IGF2BP3: variants seen among roughly 807,000 people sequenced by gnomAD.
IGF2BP3 encodes insulin like growth factor 2 mRNA binding protein 3, also known as insulin-like growth factor 2 mRNA-binding protein 3.
IGF2BP3 carries 9 observed loss-of-function variants against 73.8 expected under a neutral mutation model. That is an observed-to-expected ratio of 0.12 (90% CI 0.07 to 0.21). The LOEUF is 0.21. IGF2BP3 is among the 10% of genes least tolerant of loss of function. IGF2BP3 has a pLI of 1.00. For synonymous variants in IGF2BP3, 258 were observed against 256.7 expected, an observed-to-expected ratio of 1.01 and a Z score of -0.05; for missense variants, 542 against 714.0, an observed-to-expected ratio of 0.76 and a Z score of 2.75.
rs1187919316 is a variant in IGF2BP3, at chr7:23,310,490, T to G, written c.*1872A>C. ...TGTATATTTTTAAAAAATCAAATAT[T>G]GGGGAAAAAAATCAAATACTGAGAA... On this transcript the variant is annotated 3_prime_UTR_variant, in exon 15 of 15. Transcript: ENST00000258729. The G allele has an allele frequency of 6.6e-6, 1 of 152,060 alleles. No homozygotes were observed. Among genetic ancestry groups the G allele is most frequent in the Non-Finnish European group, 1.5e-5 (1 of 68,010 alleles). 9.4% of individuals were successfully genotyped at this position (152,060 alleles called of 1,614,324 possible). A position where few individuals can be genotyped will look rare whatever the true frequency, so the allele number is the denominator to read the frequency against.
At chr7:23,323,474 G>T (rs1784213445) in intron 10 of IGF2BP3, among the ~76,000 whole-genome samples, 1 of 145,724 alleles carries the variant, frequency 6.9e-6, no homozygotes, top group Admixed American at 6.8e-5. Flanking sequence ...AATAATGGGA[G>T]ACTTTAACAC....
At chr7:23,393,048 G>A (rs1459247030) in intron 3 of IGF2BP3, among the ~76,000 whole-genome samples, 2 of 152,040 alleles carry the variant, frequency 1.3e-5, no homozygotes, top group African/African-American at 2.4e-5. Flanking sequence ...CTTCCTTAGG[G>A]GACACTCAGC....
chr7:23,389,640 G>A (rs925247457), intron 3 of IGF2BP3, among the ~76,000 whole-genome samples: 8 of 151,838 alleles, frequency 5.3e-5, no homozygotes, highest in African/African-American at 1.9e-4. Flanking sequence ...CAAAAAGTGT[G>A]AAGAATATCA....
intron 3 of IGF2BP3, among the ~76,000 whole-genome samples, chr7:23,373,340 A>C (rs1403807530): frequency 6.6e-6 from 1 of 152,212 alleles, no homozygotes; most frequent in African/African-American, 2.4e-5. Context: ...AACCCCTAGA[A>C]GAAACCACTG....
intron 2 of IGF2BP3, among the ~76,000 whole-genome samples, chr7:23,419,364 T>C (rs1481648768): frequency 6.6e-6 from 1 of 152,200 alleles, no homozygotes; most frequent in African/African-American, 2.4e-5. Context: ...GACATCAATA[T>C]AAATCAGATA....
chr7:23,344,054 T>C (rs1377474416), intron 8 of IGF2BP3, among the ~76,000 whole-genome samples: 1 of 152,254 alleles, frequency 6.6e-6, no homozygotes, highest in Non-Finnish European at 1.5e-5. Flanking sequence ...AGAAAATATT[T>C]GCCCTCCCAT....
At chr7:23,450,853 C>A (rs1014001577) in intron 2 of IGF2BP3, 1 of 152,140 alleles carries the variant, frequency 6.6e-6, no homozygotes, top group Admixed American at 6.5e-5. Context: ...CCAGTCTGCA[C>A]AACATAGTGA....
chr7:23,354,552 G>A (rs545702853), intron 5 of IGF2BP3, among the ~76,000 whole-genome samples: 1 of 152,250 alleles, frequency 6.6e-6, no homozygotes, highest in South Asian at 2.1e-4. Flanking sequence ...TCTCCCTGGG[G>A]TAAAAGGTAC....
chr7:23,387,977 C>A (rs890201333), intron 3 of IGF2BP3, among the ~76,000 whole-genome samples: 15 of 151,980 alleles, frequency 9.9e-5, no homozygotes, highest in African/African-American at 2.9e-4. Flanking sequence ...CGCTCTGTTG[C>A]CCAGGCTGGA....
intron 3 of IGF2BP3, among the ~76,000 whole-genome samples, chr7:23,410,352 C>A (rs1348768395): frequency 6.6e-6 from 1 of 152,076 alleles, no homozygotes; most frequent in African/African-American, 2.4e-5. Flanking sequence ...AGTCAAGATT[C>A]TGTCTCAATC....
intron 9 of IGF2BP3, 48 bp downstream of exon 9, chr7:23,343,670 T>A: frequency 6.5e-7 from 1 of 1,532,048 alleles, no homozygotes; most frequent in Non-Finnish European, 9.0e-7. Flanking sequence ...AAAACATTGT[T>A]TTAACTATTT....
At chr7:23,466,287 T>G (rs996824427) in intron 2 of IGF2BP3, among the ~76,000 whole-genome samples, 3 of 152,228 alleles carry the variant, frequency 2.0e-5, no homozygotes, top group African/African-American at 7.2e-5. Context: ...CCTCCCAAAG[T>G]GCTGGGATTA....
intron 3 of IGF2BP3, among the ~76,000 whole-genome samples, chr7:23,390,971 G>C (rs1261822297): frequency 1.3e-5 from 2 of 150,574 alleles, no homozygotes; most frequent in Admixed American, 6.6e-5. Flanking sequence ...CTAATTTTTT[G>C]TATTTTTAGT....
At position 23,340,849 on chromosome 7, in the gene IGF2BP3, CTTTTTT is replaced by C. The variant is rs551566879; in HGVS notation, c.1203+1209_1203+1214del. ...AAAATATTTCTTTCTTTTTCTTTTT[CTTTTTT>C]TTTTTTTTTTCCCAGACAGAGTTTC... is the stretch of plus-strand genomic sequence containing the variant. On this transcript the variant is annotated intron_variant, in intron 10 of 14. Transcript: ENST00000258729. Among the ~76,000 whole-genome samples the C allele has an allele frequency of 5.3e-3, 740 of 139,378 alleles. 2 individuals carry two copies. Among genetic ancestry groups the C allele is most frequent in the Non-Finnish European group, 9.1e-3 (579 of 63,972 alleles). The allele number at this position is 139,378 out of a possible 152,430, so 91.4% of individuals were successfully genotyped here.
intron 2 of IGF2BP3, among the ~76,000 whole-genome samples, chr7:23,454,269 T>G (rs545386944): frequency 5.3e-5 from 8 of 152,326 alleles, no homozygotes; most frequent in Non-Finnish European, 8.8e-5. Context: ...TGATCTCTCC[T>G]AAGATAATTC....
chr7:23,337,197 A>G (rs954830173), intron 10 of IGF2BP3, among the ~76,000 whole-genome samples: 19 of 152,194 alleles, frequency 1.2e-4, no homozygotes, highest in Non-Finnish European at 4.4e-5. Flanking sequence ...TATATACTCA[A>G]ACAACACTTG....
chr7:23,460,956 A>G (rs1788437931), intron 2 of IGF2BP3, among the ~76,000 whole-genome samples: 1 of 152,194 alleles, frequency 6.6e-6, no homozygotes, highest in Non-Finnish European at 1.5e-5. Flanking sequence ...TCTCAAATAA[A>G]TAAATAAATA....
chr7:23,416,194 G>A (rs1345158111), intron 3 of IGF2BP3: 1 of 151,990 alleles, frequency 6.6e-6, no homozygotes, highest in African/African-American at 2.4e-5. Flanking sequence ...ATAATTCCAA[G>A]TCTGACCTCA....
At chr7:23,416,086 T>C (rs1787182197) in intron 3 of IGF2BP3, 1 of 152,272 alleles carries the variant, frequency 6.6e-6, no homozygotes, top group African/African-American at 2.4e-5. Flanking sequence ...TCATCACCCC[T>C]GGTTAGAAAA....
Sources: gnomAD v4.1 joint callset for allele counts (sites outside exome capture counted in the v4.1 genomes callset) on GRCh38, gnomAD v4.1.1 for gene constraint, MANE v1.5 for transcripts, NCBI Gene and HGNC (gene_info 2026-07-23, HGNC 2026-07-21) for gene names.